PKP4: variants seen among roughly 807,000 people sequenced by gnomAD.
PKP4 encodes the protein plakophilin-4.
PKP4 carries 90 observed loss-of-function variants against 145.1 expected under a neutral mutation model. The ratio of observed to expected loss-of-function variants is 0.62; its 90% CI spans 0.52 to 0.74. The LOEUF is 0.74. PKP4 is among the 30% of genes least tolerant of loss of function. The pLI, the probability that PKP4 is intolerant of heterozygous loss-of-function variation, is 0.00. For synonymous variants in PKP4, 563 were observed against 577.2 expected (o/e 0.98, Z 0.35); for missense variants, 1,340 against 1,482.7 (o/e 0.90, Z 1.58).
rs183368817 is a variant in PKP4 at position 158,514,319 on chromosome 2, C to T, written c.-5-18861C>T. Among the ~76,000 whole-genome samples the T allele has an allele frequency of 1.9e-3, 291 of 152,326 alleles. 2 individuals carry two copies. In the South Asian group the frequency reaches 0.021, roughly 11 times the overall value. ...GATTGCAGAAAAGTAAATAAGTTATCATCCAGTCCATTGCGTTCTCCATCT... is the reference window on the plus strand; with the variant it reads ...GATTGCAGAAAAGTAAATAAGTTATTATCCAGTCCATTGCGTTCTCCATCT... On this transcript the variant is annotated intron_variant, in intron 1 of 21. Coordinates refer to ENST00000389759, the MANE Select transcript of PKP4 (RefSeq NM_003628.6).
chr2:158,484,032 CTTTTTTTT>C (rs11289096), intron 1 of PKP4, among the ~76,000 whole-genome samples: 1 of 95,950 alleles, frequency 1.0e-5, no homozygotes, highest in African/African-American at 3.7e-5. Flanking sequence ...TTTTCTTTTT[CTTTTTTTT>C]TTTTTTTTTT....
At chr2:158,514,422 GT>G in intron 1 of PKP4, among the ~76,000 whole-genome samples, 1 of 152,290 alleles carries the variant, frequency 6.6e-6, no homozygotes, top group East Asian at 1.9e-4. Flanking sequence ...GTTTGGAGAT[GT>G]TAAGTGTGAA....
chr2:158,555,909 G>GT (rs1262035313), intron 2 of PKP4, among the ~76,000 whole-genome samples: 2 of 152,130 alleles, frequency 1.3e-5, no homozygotes, highest in African/African-American at 2.4e-5. Flanking sequence ...ACTGAGCTTG[G>GT]TTTTTTCCAT....
intron 4 of PKP4, among the ~76,000 whole-genome samples, chr2:158,605,489 C>G (rs1217339856): frequency 1.3e-5 from 2 of 152,070 alleles, no homozygotes; most frequent in African/African-American, 4.8e-5. Flanking sequence ...CCTTTATAGC[C>G]TAACAGGACG....
intron 15 of PKP4, 94 bp from the exon 16 acceptor site, chr2:158,666,319 A>T: frequency 3.7e-6 from 4 of 1,093,226 alleles, no homozygotes; most frequent in Non-Finnish European, 5.0e-6. Flanking sequence ...TTAATCTATT[A>T]GTTCATCTTT....
chr2:158,474,798 C>G (rs1409443968), intron 1 of PKP4, among the ~76,000 whole-genome samples: 1 of 152,116 alleles, frequency 6.6e-6, no homozygotes, highest in Non-Finnish European at 1.5e-5. Flanking sequence ...TCTCAGGACT[C>G]TGGCCAATCT....
At chr2:158,493,052 C>A (rs1018340432) in intron 1 of PKP4, among the ~76,000 whole-genome samples, 1 of 151,788 alleles carries the variant, frequency 6.6e-6, no homozygotes, top group African/African-American at 2.4e-5. Flanking sequence ...TCCTTTGACC[C>A]CCTTGTCTCA....
intron 1 of PKP4, among the ~76,000 whole-genome samples, chr2:158,512,150 T>C (rs2041574000): frequency 6.6e-6 from 1 of 152,168 alleles, no homozygotes; most frequent in Non-Finnish European, 1.5e-5. Flanking sequence ...TTTTAAAATA[T>C]ACAAAATTGG....
chr2:158,478,090 C>T (rs908700894), intron 1 of PKP4, among the ~76,000 whole-genome samples: 2 of 151,992 alleles, frequency 1.3e-5, no homozygotes, highest in Non-Finnish European at 2.9e-5. Context: ...CTTAAATTTG[C>T]AGTTTTGTTT....
intron 4 of PKP4, 38 bp from the exon 5 acceptor site, chr2:158,620,952 G>A (rs757406534): frequency 6.3e-7 from 1 of 1,584,198 alleles, no homozygotes; most frequent in South Asian, 1.1e-5. Flanking sequence ...TTTATGTAAT[G>A]TTATTATATT....
At chr2:158,550,123 A>T (rs1477416333) in intron 2 of PKP4, among the ~76,000 whole-genome samples, 1 of 105,844 alleles carries the variant, frequency 9.4e-6, no homozygotes, top group Non-Finnish European at 2.6e-5. Context: ...AGAATAAAAC[A>T]TTACTTTTCT....
At chr2:158,506,465 G>A (rs1261769307) in intron 1 of PKP4, among the ~76,000 whole-genome samples, 1 of 152,152 alleles carries the variant, frequency 6.6e-6, no homozygotes, top group African/African-American at 2.4e-5. Flanking sequence ...GTTTTCATTA[G>A]TCCTTAAGTA....
At chr2:158,549,682 C>G (rs2045421090) in intron 2 of PKP4, among the ~76,000 whole-genome samples, 1 of 151,900 alleles carries the variant, frequency 6.6e-6, no homozygotes, top group South Asian at 2.1e-4. Context: ...ACTGAATAGC[C>G]CAGTATTTTA....
At chr2:158,551,987 A>G (rs144835619) in intron 2 of PKP4, among the ~76,000 whole-genome samples, 112 of 152,346 alleles carry the variant, frequency 7.4e-4, no homozygotes, top group African/African-American at 2.7e-3. Context: ...CTTGGAGCCT[A>G]TAAACGTTAT....
chr2:158,631,645 T>A (rs776954160), intron 7 of PKP4, 108 bp from the exon 8 acceptor site: 21 of 935,570 alleles, frequency 2.2e-5, no homozygotes, highest in Admixed American at 2.2e-4. Flanking sequence ...CCCACCTCTG[T>A]CTCCCAAAGT....
intron 2 of PKP4, among the ~76,000 whole-genome samples, chr2:158,558,096 ATTCT>A (rs1227361537): frequency 6.6e-6 from 1 of 152,184 alleles, no homozygotes; most frequent in Non-Finnish European, 1.5e-5. Context: ...TCTAGTCCCC[ATTCT>A]TTCCCCTGTG....
intron 11 of PKP4, among the ~76,000 whole-genome samples, chr2:158,654,362 C>T (rs902324279): frequency 1.3e-5 from 2 of 152,018 alleles, no homozygotes; most frequent in African/African-American, 4.8e-5. Flanking sequence ...TTGGAAGTTG[C>T]AGAAATGAAA....
intron 4 of PKP4, among the ~76,000 whole-genome samples, chr2:158,619,785 T>G (rs2052017235): frequency 6.6e-6 from 1 of 152,244 alleles, no homozygotes; most frequent in Non-Finnish European, 1.5e-5. Context: ...GATAAAAGTC[T>G]GTCTGTCCTC....
At chr2:158,634,350 C>T in intron 9 of PKP4, 61 bp downstream of exon 9, 1 of 1,367,888 alleles carries the variant, frequency 7.3e-7, no homozygotes, top group Non-Finnish European at 1.0e-6. Flanking sequence ...CCAGTTCCTC[C>T]ATTTTGACTT....
Sources: allele counts gnomAD v4.1 joint callset (sites outside exome capture counted in the v4.1 genomes callset), GRCh38; gene constraint gnomAD v4.1.1; transcripts MANE v1.5; gene names NCBI Gene and HGNC (gene_info 2026-07-23, HGNC 2026-07-21).